The following HDAC7 variants were observed in gnomAD, a reference collection of about 807,000 sequenced individuals.
The protein encoded by HDAC7 is histone deacetylase 7A.
In HDAC7, 26 loss-of-function variants were observed where a neutral mutation model predicts 115.5. That is an observed-to-expected ratio of 0.23 (90% CI 0.16 to 0.31). The LOEUF (loss-of-function observed/expected upper bound fraction) is 0.31. Ranked by LOEUF, HDAC7 falls within the 10% of genes least tolerant of loss-of-function variation. The pLI is 1.00. For missense variants in HDAC7, 1,068 were observed against 1,329.0 expected, an observed-to-expected ratio of 0.80 and a Z score of 3.05; for synonymous variants, 564 against 550.9, an observed-to-expected ratio of 1.02 and a Z score of -0.33.
At chr12:47,817,296 C>T (rs557051652) in intron 1 of HDAC7, among the ~76,000 whole-genome samples, 1 of 152,196 alleles carries the variant, frequency 6.6e-6, no homozygotes, top group Non-Finnish European at 1.5e-5. Context: ...TCTGCCCCTC[C>T]GTGGTTCCAA....
At chr12:47,815,061 A>C (rs1000051132) in intron 1 of HDAC7, among the ~76,000 whole-genome samples, 4 of 152,166 alleles carry the variant, frequency 2.6e-5, no homozygotes, top group African/African-American at 4.8e-5. Flanking sequence ...CAGTGCCTAG[A>C]ACATTGCAAG....
chr12:47,802,620 C>T, intron 1 of HDAC7: 1 of 719,732 alleles, frequency 1.4e-6, no homozygotes, highest in Non-Finnish European at 2.3e-6. Flanking sequence ...GGCAGCCAAA[C>T]CAGGCTCCCA....
chr12:47,793,334 C>CCAACCAA lies in HDAC7; in HGVS notation c.1678+34_1678+35insTTGGTTG. The stretch of plus-strand genomic sequence containing the variant: ...CCACATGGACTCGTGCAGCCGAGCC[C>CCAACCAA]CTCCCTCCACCCGCCACCCTCCTCC... On this transcript the variant is annotated intron_variant, in intron 13 of 25. Coordinates refer to ENST00000080059, the MANE Select transcript of HDAC7 (RefSeq NM_015401.5). The surrounding 1 kb of genome is among the most constrained non-coding windows in gnomAD (Gnocchi z 4.5). The CCAACCAA allele has an allele frequency of 7.6e-7, 1 of 1,312,490 alleles. No individual in the cohort carries two copies. 81.3% of individuals were successfully genotyped at this position (1,312,490 alleles called of 1,614,324 possible). A position where few individuals can be genotyped will look rare whatever the true frequency, so the allele number is the denominator to read the frequency against.
chr12:47,816,680 T>C (rs1221823430), intron 1 of HDAC7, among the ~76,000 whole-genome samples: 2 of 152,128 alleles, frequency 1.3e-5, no homozygotes, highest in Admixed American at 6.5e-5. Context: ...GATGAAAACA[T>C]CCCTCCCACC....
chr12:47,803,107 C>G lies in HDAC7; in HGVS notation c.20-833G>C, dbSNP rs1357793876. ...GCCCAAGCTGGTCAGCAGCAGAAAG[C>G]CCCCAGGGGACATGGAGGCCAGCTG... On this transcript the variant is annotated intron_variant, in intron 1 of 25. Transcript: ENST00000080059. The surrounding 1 kb of genome is among the most constrained non-coding windows in gnomAD (Gnocchi z 4.0). Among the ~76,000 whole-genome samples the G allele has an allele frequency of 6.6e-6, 1 of 152,168 alleles. No homozygotes were observed. Among genetic ancestry groups the G allele is most frequent in the African/African-American group, 2.4e-5 (1 of 41,426 alleles).
At position 47,816,754 on chromosome 12, in the gene HDAC7, G is replaced by A. The variant is rs1944860951; in HGVS notation, c.19+3013C>T. ...TGCTACCCACCTCTCCCTTGTAGGA[G>A]GAGGGAGACTGGAGGAGGGCAGTGG... On this transcript the variant is annotated intron_variant, in intron 1 of 25. Coordinates refer to ENST00000080059, the MANE Select transcript of HDAC7 (RefSeq NM_015401.5). Among the ~76,000 whole-genome samples, 3 of 152,186 alleles carry A rather than the reference G, an allele frequency of 2.0e-5. No individual in the cohort carries two copies. The South Asian group carries it at 6.2e-4, about 32-fold the overall frequency.
At chr12:47,806,994 C>T (rs530056820) in intron 1 of HDAC7, among the ~76,000 whole-genome samples, 1 of 151,352 alleles carries the variant, frequency 6.6e-6, no homozygotes, top group South Asian at 2.1e-4. Flanking sequence ...GGCTGGAGTG[C>T]AGTGGCACAA....
At chr12:47,787,116 A>G (rs866463368) in intron 21 of HDAC7, among the ~76,000 whole-genome samples, 4 of 152,200 alleles carry the variant, frequency 2.6e-5, no homozygotes, top group Non-Finnish European at 2.9e-5. Flanking sequence ...ACAAGTGCTC[A>G]GTCCTTTGGA....
In HDAC7 at chr12:47,791,908, G is replaced by C; in HGVS notation, c.1775C>G (p.Ser592Cys). The change falls in exon 14 of 26, where the codon TCC (serine) becomes TGC (cysteine). Residue 592 changes from serine to cysteine, a missense_variant. Ser to Cys is a moderately radical substitution (Grantham distance 112). Transcript: ENST00000080059. ...CCGGAGCCCCCGCTCCTGCAGCCGG[G>C]ACCAGATGCTCTGGATGCGGCCGGC... ...EHAGRIQSIW[S>C]RLQERGLRSQ... The C allele has an allele frequency of 6.2e-7, 1 of 1,611,454 alleles. No individual in the cohort carries two copies. The highest frequency in any genetic ancestry group is 8.5e-7 in the Non-Finnish European group (1 of 1,179,404).
chr12:47,798,616 C>G lies in HDAC7; in HGVS notation c.295G>C (p.Gly99Arg). Residue 99 changes from glycine to arginine, a missense_variant, in exon 4 of 26, where the codon GGA becomes CGA. Physicochemically the swap from Gly to Arg is moderately radical, Grantham distance 125 (BLOSUM62 -2). Transcript: ENST00000080059. This position sits in a 1 kb window ranked among gnomAD's most constrained non-coding sequence, Gnocchi z 4.3. ...TGCCGCAGCTCTTGTTCCTGGGGTCCCACCTGCAACTCGGGCATCGGCGTG... is the reference window on the plus strand; with the variant it reads ...TGCCGCAGCTCTTGTTCCTGGGGTCGCACCTGCAACTCGGGCATCGGCGTG... ...MDTPMPELQV[G>R]PQEQELRQLL... is the part of the protein sequence containing the mutation. 2 of 1,613,992 alleles carry G rather than the reference C, an allele frequency of 1.2e-6. No individual in the cohort carries two copies. Among genetic ancestry groups the G allele is most frequent in the Non-Finnish European group, 8.5e-7 (1 of 1,179,912 alleles).
rs1943646505 is a variant in HDAC7, at chr12:47,793,513, G to A, written c.1534C>T (p.Leu512=). The A allele has an allele frequency of 1.9e-6, 3 of 1,548,776 alleles. No individual in the cohort carries two copies. The highest frequency in any genetic ancestry group is 3.9e-5 in the Admixed American group (2 of 50,994). ...GSTGDTVLLP[L]AQGGHRPLSR... ...AGAGGCCGGTGCCCACCCTGGGCCAGAGGAAGCAGCACAGTGTCCCCGGTG... is the reference window on the plus strand; with the variant it reads ...AGAGGCCGGTGCCCACCCTGGGCCAAAGGAAGCAGCACAGTGTCCCCGGTG... The change falls in exon 13 of 26, where the codon CTG becomes TTG. Residue 512 remains leucine (L), a synonymous_variant. Transcript: ENST00000080059. This position sits in a 1 kb window ranked among gnomAD's most constrained non-coding sequence, Gnocchi z 4.5.
chr12:47,805,400 C>G (rs778937463), intron 1 of HDAC7, among the ~76,000 whole-genome samples: 103 of 152,140 alleles, frequency 6.8e-4, no homozygotes, highest in Non-Finnish European at 1.4e-3. Flanking sequence ...GAAAAGGAAG[C>G]AGCAGCAAGA....
In HDAC7 at chr12:47,792,199, G is replaced by A. The variant is rs186442743; in HGVS notation, c.1679-195C>T. 1.3e-3 allele frequency: 792 copies of A among 602,210 alleles called. 2 individuals carry two copies. The highest frequency in any genetic ancestry group is 0.013 in the East Asian group (442 of 34,054). The allele number at this position is 602,210 out of a possible 1,614,324, so 37.3% of individuals were successfully genotyped here. On this transcript the variant is annotated intron_variant, in intron 13 of 25. Coordinates refer to ENST00000080059, the MANE Select transcript of HDAC7 (RefSeq NM_015401.5). Reference sequence around the variant, plus strand: ...CAGCCCCTCACACCTGTCCACACACGCCCAGACACTTCCCCAGGTGGCAGC... The same window carrying A: ...CAGCCCCTCACACCTGTCCACACACACCCAGACACTTCCCCAGGTGGCAGC...
rs781088789 is a variant in HDAC7 at position 47,791,637 on chromosome 12, A to G, written c.1882T>C (p.Tyr628His). The G allele has an allele frequency of 6.2e-7, 1 of 1,612,570 alleles. No individual in the cohort carries two copies. The change falls in exon 15 of 26, where the codon TAC becomes CAC. Residue 628 changes from tyrosine to histidine, a missense_variant. Transcript: ENST00000080059. ...SVHSERHVLL[Y>H]GTNPLSRLKL... ...AGGCGGCTGAGCGGGTTGGTGCCGTAGAGGAGCACGTGCCGCTCAGAGTGG... is the reference window on the plus strand; with the variant it reads ...AGGCGGCTGAGCGGGTTGGTGCCGTGGAGGAGCACGTGCCGCTCAGAGTGG...
intron 1 of HDAC7, among the ~76,000 whole-genome samples, chr12:47,816,974 G>T (rs1305510182): frequency 2.0e-5 from 3 of 152,196 alleles, no homozygotes; most frequent in African/African-American, 7.2e-5. Flanking sequence ...GAGCCAAAAG[G>T]GTTAGGGAGG....
rs1489412347 is a variant in HDAC7 at position 47,797,469 on chromosome 12, G to A, written c.492C>T (p.Ala164=). The change falls in exon 6 of 26, where the codon GCC becomes GCT. Residue 164 remains alanine, a synonymous_variant. Coordinates refer to ENST00000080059, the MANE Select transcript of HDAC7 (RefSeq NM_015401.5). This position sits in a 1 kb window ranked among gnomAD's most constrained non-coding sequence, Gnocchi z 5.5. ...RTLEPLETEG[A]TRSMLSSFLP... is the part of the protein sequence containing the mutation. ...AAAAGCTGCTGAGCATGGAGCGGGTGGCTCCTTCCGTCTCCAGGGGCTCCA... is the reference window on the plus strand; with the variant it reads ...AAAAGCTGCTGAGCATGGAGCGGGTAGCTCCTTCCGTCTCCAGGGGCTCCA... The A allele has an allele frequency of 3.1e-6, 5 of 1,613,530 alleles. No individual in the cohort carries two copies. Among genetic ancestry groups the A allele is most frequent in the Non-Finnish European group, 4.2e-6 (5 of 1,179,758 alleles).
chr12:47,819,214 CT>C, intron 1 of HDAC7: 1 of 152,498 alleles, frequency 6.6e-6, no homozygotes, highest in Non-Finnish European at 1.5e-5. Context: ...CAAGGGACCT[CT>C]TTCCCCGCCG....
chr12:47,784,672 G>C, intron 24 of HDAC7: 1 of 1,513,974 alleles, frequency 6.6e-7, no homozygotes, highest in Non-Finnish European at 8.9e-7. Flanking sequence ...GAGGTGGGAC[G>C]AACACAACAT....
chr12:47,794,235 C>G (rs1943683764), intron 12 of HDAC7, among the ~76,000 whole-genome samples: 1 of 152,346 alleles, frequency 6.6e-6, no homozygotes, highest in South Asian at 2.1e-4. Context: ...CTCACAGCCC[C>G]CAGAAGGAAC....
Sources: gnomAD v4.1 joint callset for allele counts (sites outside exome capture counted in the v4.1 genomes callset) on GRCh38, gnomAD v4.1.1 for gene constraint, Gnocchi (gnomAD v3.1) non-coding constraint, MANE v1.5 for transcripts, NCBI Gene and HGNC (gene_info 2026-07-23, HGNC 2026-07-21) for gene names.